The following SLN variants were observed in gnomAD, a reference collection of about 807,000 sequenced individuals.
The protein encoded by SLN is sarcolipin.
For synonymous variants in SLN, 19 were observed against 14.4 expected (o/e 1.32, Z -0.72); for missense variants, 34 against 37.4 (o/e 0.91, Z 0.24).
intron 1 of SLN, among the ~76,000 whole-genome samples, chr11:107,708,685 A>G (rs771329125): frequency 4.5e-4 from 68 of 152,254 alleles, no homozygotes; most frequent in Non-Finnish European, 7.8e-4. Flanking sequence ...TTTTCATAAA[A>G]TGTGAAATAT....
intron 1 of SLN, among the ~76,000 whole-genome samples, chr11:107,709,238 A>G (rs557952989): frequency 9.8e-5 from 15 of 152,360 alleles, no homozygotes; most frequent in African/African-American, 3.4e-4. Context: ...CACATTATTT[A>G]TGCAGCCTAA....
intron 1 of SLN, among the ~76,000 whole-genome samples, chr11:107,711,266 G>A (rs749768359): frequency 6.6e-6 from 1 of 151,740 alleles, no homozygotes; most frequent in Non-Finnish European, 1.5e-5. Context: ...TTCTGAATTA[G>A]CAGGCTACCC....
In SLN at chr11:107,711,987, T is replaced by C. The variant is rs1867215512; in HGVS notation, c.-100A>G. 1 of 152,316 alleles carries C rather than the reference T, an allele frequency of 6.6e-6. No homozygotes were observed. The highest frequency in any genetic ancestry group is 1.9e-4 in the East Asian group (1 of 5,186). The allele number at this position is 152,316 out of a possible 1,614,324, so 9.4% of individuals were successfully genotyped here. ...CCTGAAGAGGATCAAAGACACACCC[T>C]GGCTATGGCAGGTTTCTCCTCGCTG... On this transcript the variant is annotated 5_prime_UTR_variant, in exon 1 of 2. Coordinates refer to ENST00000305991, the MANE Select transcript of SLN (RefSeq NM_003063.3).
rs952812404 is a variant in SLN at position 107,707,504 on chromosome 11, G to A, written c.*331C>T. ...GACCGTGTGGGTTGAAGGGATGTGT[G>A]GTGAGACAGATCAGGGGCTTGTAAC... On this transcript the variant is annotated 3_prime_UTR_variant, in exon 2 of 2. Transcript: ENST00000305991. 1.8e-5 allele frequency: 4 copies of A among 225,836 alleles called. No homozygotes were observed. The highest frequency in any genetic ancestry group is 9.0e-5 in the African/African-American group (4 of 44,210). 14.0% of individuals were successfully genotyped at this position (225,836 alleles called of 1,614,324 possible).
intron 1 of SLN, among the ~76,000 whole-genome samples, chr11:107,708,849 T>A (rs541523868): frequency 1.3e-5 from 2 of 152,328 alleles, no homozygotes; most frequent in South Asian, 2.1e-4. Flanking sequence ...ATAAGTGGGA[T>A]GCCATAATCT....
intron 1 of SLN, among the ~76,000 whole-genome samples, chr11:107,708,366 A>G (rs892500665): frequency 6.6e-6 from 1 of 152,122 alleles, no homozygotes; most frequent in Non-Finnish European, 1.5e-5. Flanking sequence ...GAAAGGACTC[A>G]GAAGAAACCA....
At chr11:107,708,092 G>A (rs1393118269) in intron 1 of SLN, 87 bp from the exon 2 acceptor site, 3 of 628,880 alleles carry the variant, frequency 4.8e-6, no homozygotes, top group Non-Finnish European at 8.6e-6. Flanking sequence ...GGAAACAGAA[G>A]TGTTGTGGAA....
chr11:107,707,662 G>A lies in SLN; in HGVS notation c.*173C>T. 2 of 527,382 alleles carry A rather than the reference G, an allele frequency of 3.8e-6. No individual in the cohort carries two copies. Among genetic ancestry groups the A allele is most frequent in the South Asian group, 6.0e-5 (2 of 33,224 alleles). The allele number at this position is 527,382 out of a possible 1,614,324, so 32.7% of individuals were successfully genotyped here. A position where few individuals can be genotyped will look rare whatever the true frequency, so the allele number is the denominator to read the frequency against. On this transcript the variant is annotated 3_prime_UTR_variant, in exon 2 of 2. Transcript: ENST00000305991. ...GCAGCCCTTGGGAGCAGCATCTTTG[G>A]AGAACACATAATCAATCCTAGCACT... is the stretch of plus-strand genomic sequence containing the variant.
At position 107,707,594 on chromosome 11, in the gene SLN, T is replaced by G; in HGVS notation, c.*241A>C. On this transcript the variant is annotated 3_prime_UTR_variant, in exon 2 of 2. Transcript: ENST00000305991. ...GTGGCTTGTCTAACACATTTTCAGT[T>G]AAGAGTTGGGGAATAAATCTACCGT... The G allele has an allele frequency of 2.2e-6, 1 of 459,652 alleles. No individual in the cohort carries two copies. Among genetic ancestry groups the G allele is most frequent in the Non-Finnish European group, 3.9e-6 (1 of 257,706 alleles). The allele number at this position is 459,652 out of a possible 1,614,324, so 28.5% of individuals were successfully genotyped here.
chr11:107,711,819 G>A (rs1054681329), intron 1 of SLN, 144 bp downstream of exon 1: 3 of 152,152 alleles, frequency 2.0e-5, no homozygotes, highest in African/African-American at 7.2e-5. Context: ...GAAAGCAATA[G>A]TACTCACTTT....
chr11:107,708,035 G>A, intron 1 of SLN, 30 bp from the exon 2 acceptor site: 1 of 773,696 alleles, frequency 1.3e-6, no homozygotes, highest in African/African-American at 1.7e-5. Flanking sequence ...AAAACACAAG[G>A]AGATTAATGG....
Position 107,707,759 on chromosome 11 carries a change from C to T in SLN, c.*76G>A, listed in dbSNP as rs2135741776. Reference sequence around the variant, plus strand: ...GGAGAATGGCATCCTGTGACAATGACAGCAGTGGGGTCTCAGGGCATAGAG... The same window carrying T: ...GGAGAATGGCATCCTGTGACAATGATAGCAGTGGGGTCTCAGGGCATAGAG... On this transcript the variant is annotated 3_prime_UTR_variant, in exon 2 of 2. Coordinates refer to ENST00000305991, the MANE Select transcript of SLN (RefSeq NM_003063.3). The T allele has an allele frequency of 3.9e-6, 4 of 1,035,860 alleles. No homozygotes were observed. The highest frequency in any genetic ancestry group is 6.1e-6 in the Non-Finnish European group (4 of 659,140). The allele number at this position is 1,035,860 out of a possible 1,614,324, so 64.2% of individuals were successfully genotyped here.
intron 1 of SLN, among the ~76,000 whole-genome samples, chr11:107,709,924 C>G (rs1230111467): frequency 6.6e-6 from 1 of 151,954 alleles, no homozygotes; most frequent in Non-Finnish European, 1.5e-5. Context: ...TCAAGACCAG[C>G]CTGGATAACA....
intron 1 of SLN, 141 bp downstream of exon 1, chr11:107,711,822 C>T (rs1867213832): frequency 6.6e-6 from 1 of 152,110 alleles, no homozygotes; most frequent in African/African-American, 2.4e-5. Context: ...AGCAATAGTA[C>T]TCACTTTATA....
At chr11:107,708,244 G>A (rs905266903) in intron 1 of SLN, among the ~76,000 whole-genome samples, 4 of 152,030 alleles carry the variant, frequency 2.6e-5, no homozygotes, top group Non-Finnish European at 5.9e-5. Context: ...ATTAAGGAGG[G>A]CCCTAATCCA....
At chr11:107,708,380 G>C (rs968305391) in intron 1 of SLN, among the ~76,000 whole-genome samples, 1 of 152,068 alleles carries the variant, frequency 6.6e-6, no homozygotes. Context: ...GAAACCAACT[G>C]TGCCAACACC....
At chr11:107,711,652 A>G (rs1565406085) in intron 1 of SLN, among the ~76,000 whole-genome samples, 1 of 152,200 alleles carries the variant, frequency 6.6e-6, no homozygotes, top group Non-Finnish European at 1.5e-5. Flanking sequence ...AAAGCTCTGA[A>G]TAAATTGTGC....
At chr11:107,708,575 G>A (rs1189341919) in intron 1 of SLN, among the ~76,000 whole-genome samples, 1 of 152,134 alleles carries the variant, frequency 6.6e-6, no homozygotes, top group Non-Finnish European at 1.5e-5. Flanking sequence ...TCTCTGAAGA[G>A]CCCTAATGAT....
intron 1 of SLN, among the ~76,000 whole-genome samples, chr11:107,710,789 A>G (rs189442363): frequency 2.8e-4 from 43 of 152,374 alleles, no homozygotes; most frequent in African/African-American, 9.1e-4. Context: ...AAGAGTTCAC[A>G]GCAATATTAT....
Sources: allele counts gnomAD v4.1 joint callset (sites outside exome capture counted in the v4.1 genomes callset), GRCh38; gene constraint gnomAD v4.1.1; transcripts MANE v1.5; gene names NCBI Gene and HGNC (gene_info 2026-07-23, HGNC 2026-07-21).